The following BFSP1 variants were observed in gnomAD, a reference collection of about 807,000 sequenced individuals.
BFSP1 encodes filensin.
A neutral mutation model predicts 43.9 loss-of-function variants in BFSP1; 38 were observed. The observed-to-expected ratio is 0.87, with a 90% CI of 0.67 to 1.14. The LOEUF is 1.14. Ranked by LOEUF, BFSP1 falls within the 50% of genes most tolerant of loss-of-function variation. The pLI, the probability that BFSP1 is intolerant of heterozygous loss-of-function variation, is 0.00. For missense variants in BFSP1, 850 were observed against 875.1 expected (o/e 0.97, Z 0.36); for synonymous variants, 352 against 354.8 (o/e 0.99, Z 0.09).
intron 5 of BFSP1, 60 bp downstream of exon 5, chr20:17,508,829 G>GT: frequency 7.0e-7 from 1 of 1,424,102 alleles, no homozygotes; most frequent in Non-Finnish European, 9.4e-7. Context: ...GTGCCTGCGC[G>GT]TAACACCTCC....
At position 17,507,274 on chromosome 20, in the gene BFSP1, T is replaced by G. The variant is rs570494370; in HGVS notation, c.735+1615A>C. 1.6e-3 allele frequency among the ~76,000 whole-genome samples: 179 copies of G among 110,798 alleles called. 1 individual carries two copies. The highest frequency in any genetic ancestry group is 2.6e-3 in the African/African-American group (57 of 21,936). The allele number at this position is 110,798 out of a possible 152,430, so 72.7% of individuals were successfully genotyped here. The stretch of plus-strand genomic sequence containing the variant: ...GAGCCATACACATCAGATAGGTAGG[T>G]GTGTGTGTGTGTGTGTGTGTGTGTG... On this transcript the variant is annotated intron_variant, in intron 5 of 7. Transcript: ENST00000377873. The surrounding 1 kb of genome is among the most constrained non-coding windows in gnomAD (Gnocchi z 4.4).
chr20:17,524,118 G>A (rs891698977), intron 2 of BFSP1, among the ~76,000 whole-genome samples: 1 of 152,130 alleles, frequency 6.6e-6, no homozygotes, highest in Non-Finnish European at 1.5e-5. Context: ...TGACATTGGA[G>A]CTCAAAAACG....
chr20:17,551,033 G>A (rs1166621049), intron 1 of BFSP1, among the ~76,000 whole-genome samples: 2 of 152,138 alleles, frequency 1.3e-5, no homozygotes, highest in Non-Finnish European at 2.9e-5. Flanking sequence ...GGCAGTTCAG[G>A]GCGAGTGTGG....
chr20:17,545,065 T>C (rs1174355061), intron 1 of BFSP1, among the ~76,000 whole-genome samples: 1 of 152,230 alleles, frequency 6.6e-6, no homozygotes, highest in Non-Finnish European at 1.5e-5. Flanking sequence ...TCTTGGGCTC[T>C]CAATGCAATA....
chr20:17,549,433 C>T (rs1021637361), intron 1 of BFSP1, among the ~76,000 whole-genome samples: 2 of 152,136 alleles, frequency 1.3e-5, no homozygotes, highest in African/African-American at 4.8e-5. Context: ...GCACGTTTTA[C>T]ATCACCAGAG....
At chr20:17,567,179 G>C (rs1293657859) in intron 1 of BFSP1, among the ~76,000 whole-genome samples, 1 of 152,158 alleles carries the variant, frequency 6.6e-6, no homozygotes. Flanking sequence ...AAATGCAGAG[G>C]CTGAAGTTCA....
intron 5 of BFSP1, among the ~76,000 whole-genome samples, chr20:17,503,728 C>T (rs2033860955): frequency 6.6e-6 from 1 of 152,234 alleles, no homozygotes; most frequent in Non-Finnish European, 1.5e-5. Context: ...TATGCAAGCA[C>T]ACACGTGCGT....
At chr20:17,553,369 C>G (rs2034926433) in intron 1 of BFSP1, among the ~76,000 whole-genome samples, 1 of 152,038 alleles carries the variant, frequency 6.6e-6, no homozygotes, top group Admixed American at 6.6e-5. Context: ...ATAAAATTCA[C>G]AGGGTAGACA....
chr20:17,497,030 G>C lies in BFSP1; in HGVS notation c.957-7C>G. 6.6e-7 allele frequency: 1 copy of C among 1,517,880 alleles called. No homozygotes were observed. The highest frequency in any genetic ancestry group is 1.3e-5 in the South Asian group (1 of 78,992). 94.0% of individuals were successfully genotyped at this position (1,517,880 alleles called of 1,614,324 possible). On this transcript the variant is annotated splice_region_variant and splice_polypyrimidine_tract_variant and intron_variant, in intron 6 of 7. Transcript: ENST00000377873. ...AATGAAGGCAGAGGTCAGCCTGGCA[G>C]AAAGAACCAGAAAGAACAAGCCAAA...
intron 5 of BFSP1, among the ~76,000 whole-genome samples, chr20:17,505,619 CT>C (rs766677268): frequency 2.6e-5 from 4 of 152,242 alleles, no homozygotes; most frequent in African/African-American, 4.8e-5. Context: ...TGGGAAGCCA[CT>C]AAAACCTTTA....
intron 1 of BFSP1, chr20:17,565,789 C>T (rs1479277034): frequency 1.3e-5 from 2 of 152,156 alleles, no homozygotes; most frequent in Non-Finnish European, 2.9e-5. Flanking sequence ...AATAAAACTA[C>T]ACTTGTGTCT....
At chr20:17,548,368 T>C (rs984059032) in intron 1 of BFSP1, among the ~76,000 whole-genome samples, 2 of 152,160 alleles carry the variant, frequency 1.3e-5, no homozygotes, top group African/African-American at 4.8e-5. Flanking sequence ...TGCATAAAGT[T>C]TACCAATAAT....
At chr20:17,566,658 G>A (rs1216352573) in intron 1 of BFSP1, among the ~76,000 whole-genome samples, 1 of 152,092 alleles carries the variant, frequency 6.6e-6, no homozygotes, top group Non-Finnish European at 1.5e-5. Flanking sequence ...AGTAGTCTAG[G>A]ACCTCTTTTT....
chr20:17,496,343 G>A (rs541699722), intron 7 of BFSP1, among the ~76,000 whole-genome samples: 3 of 152,296 alleles, frequency 2.0e-5, no homozygotes, highest in African/African-American at 7.2e-5. Context: ...CAAATGCTGC[G>A]CTTGTTCAGA....
chr20:17,524,802 A>G (rs748016507), intron 2 of BFSP1, 46 bp downstream of exon 2: 2 of 1,587,618 alleles, frequency 1.3e-6, no homozygotes, highest in East Asian at 2.2e-5. Context: ...CATTCCATTC[A>G]ACACTGTAAT....
At chr20:17,499,487 T>C (rs1372909646) in intron 5 of BFSP1, among the ~76,000 whole-genome samples, 1 of 148,254 alleles carries the variant, frequency 6.7e-6, no homozygotes, top group Non-Finnish European at 1.5e-5. Context: ...CTTCAAGTGA[T>C]CCTCCCACCT....
chr20:17,508,968 G>A lies in BFSP1; in HGVS notation c.656C>T (p.Ala219Val). The change falls in exon 5 of 8, where the codon GCC (alanine) becomes GTC (valine). Residue 219 changes from alanine (A) to valine (V), a missense_variant. Coordinates refer to ENST00000377873, the MANE Select transcript of BFSP1 (RefSeq NM_001195.5). Reference protein sequence around the residue: ...EEKLLTEREVAALRSQLEEGR... With the variant: ...EEKLLTEREVVALRSQLEEGR... Reference sequence around the variant, plus strand: ...CTCCTCCAGCTGACTCCGCAGGGCGGCCACCTCCCGCTCCGTCAGGAGCTT... The same window carrying A: ...CTCCTCCAGCTGACTCCGCAGGGCGACCACCTCCCGCTCCGTCAGGAGCTT... 10 of 1,598,220 alleles carry A rather than the reference G, an allele frequency of 6.3e-6. No individual in the cohort carries two copies. The South Asian group carries it at 9.1e-5, about 15-fold the overall frequency.
chr20:17,500,879 C>T (rs754671779), intron 5 of BFSP1, among the ~76,000 whole-genome samples: 7 of 152,250 alleles, frequency 4.6e-5, no homozygotes, highest in Middle Eastern at 3.4e-3. Flanking sequence ...GAATTTGACA[C>T]GCATGGTCCT....
chr20:17,530,808 C>A, intron 1 of BFSP1, 145 bp downstream of exon 1: 2 of 887,520 alleles, frequency 2.3e-6, no homozygotes, highest in Non-Finnish European at 3.0e-6. Context: ...AGGAAATGTG[C>A]CACCTGCGTG....
Sources: gnomAD v4.1 joint callset for allele counts (sites outside exome capture counted in the v4.1 genomes callset) on GRCh38, gnomAD v4.1.1 for gene constraint, Gnocchi (gnomAD v3.1) non-coding constraint, MANE v1.5 for transcripts, NCBI Gene and HGNC (gene_info 2026-07-23, HGNC 2026-07-21) for gene names.